Variants in COMMD10 observed in about 807,000 individuals in gnomAD.
The protein encoded by COMMD10 is COMM domain-containing protein 10.
Under a neutral mutation model 28.9 loss-of-function variants are expected in COMMD10, and 33 were observed. The ratio of observed to expected loss-of-function variants is 1.14; its 90% CI spans 0.87 to 1.53. The LOEUF (loss-of-function observed/expected upper bound fraction) is 1.53. Ranked by LOEUF, COMMD10 falls within the 40% of genes most tolerant of loss-of-function variation. The pLI is 0.00. For missense variants in COMMD10, 310 were observed against 233.4 expected (o/e 1.33, Z -2.14); for synonymous variants, 110 against 81.7 (o/e 1.35, Z -1.87).
chr5:116,227,104 C>T (rs1749412878), intron 5 of COMMD10, among the ~76,000 whole-genome samples: 1 of 152,014 alleles, frequency 6.6e-6, no homozygotes, highest in Non-Finnish European at 1.5e-5. Context: ...CTGTATCTAT[C>T]TGTGCTATAG....
At chr5:116,271,199 G>A (rs1057504185) in intron 5 of COMMD10, among the ~76,000 whole-genome samples, 2 of 132,338 alleles carry the variant, frequency 1.5e-5, no homozygotes, top group African/African-American at 6.7e-5. Context: ...GTTTATGTCA[G>A]TTTTTAATAA....
chr5:116,203,841 A>G (rs1014066913), intron 5 of COMMD10, among the ~76,000 whole-genome samples: 5 of 152,246 alleles, frequency 3.3e-5, no homozygotes, highest in African/African-American at 1.2e-4. Context: ...ACTAAGGAGC[A>G]CAATAACCAG....
Position 116,256,561 on chromosome 5 carries a change from G to T in COMMD10, c.511-34956G>T, listed in dbSNP as rs552595933. The stretch of plus-strand genomic sequence containing the variant: ...GGCATTTTTCTCATCTCCGTCTTTG[G>T]CATTTGAAACAGTATACAGGTTGAG... On this transcript the variant is annotated intron_variant, in intron 5 of 6. Coordinates refer to ENST00000274458, the MANE Select transcript of COMMD10 (RefSeq NM_016144.4). Among the ~76,000 whole-genome samples, 136 of 151,676 alleles carry T rather than the reference G, an allele frequency of 9.0e-4. 3 individuals are homozygous for T. The highest frequency in any genetic ancestry group is 3.2e-3 in the African/African-American group (132 of 41,182).
chr5:116,256,145 T>C (rs899469943), intron 5 of COMMD10, among the ~76,000 whole-genome samples: 1 of 151,726 alleles, frequency 6.6e-6, no homozygotes, highest in Non-Finnish European at 1.5e-5. Context: ...ATTAAAATGC[T>C]GTACCTGGCT....
At chr5:116,109,629 T>A (rs1337176884) in intron 4 of COMMD10, among the ~76,000 whole-genome samples, 2 of 152,158 alleles carry the variant, frequency 1.3e-5, no homozygotes, top group African/African-American at 4.8e-5. Context: ...ATGTATTGTA[T>A]TTTTCTTGTA....
At chr5:116,113,907 CT>C (rs972694939) in intron 4 of COMMD10, among the ~76,000 whole-genome samples, 1 of 147,760 alleles carries the variant, frequency 6.8e-6, no homozygotes, top group Non-Finnish European at 1.5e-5. Flanking sequence ...GGAACAATTG[CT>C]TTTTTTTTCA....
chr5:116,171,506 C>T (rs1305443892), intron 5 of COMMD10, among the ~76,000 whole-genome samples: 2 of 151,986 alleles, frequency 1.3e-5, no homozygotes, highest in Non-Finnish European at 2.9e-5. Context: ...ATAAATCATT[C>T]TACTATAAAG....
intron 5 of COMMD10, among the ~76,000 whole-genome samples, chr5:116,140,258 T>C (rs1752157726): frequency 6.6e-6 from 1 of 151,760 alleles, no homozygotes; most frequent in Non-Finnish European, 1.5e-5. Context: ...TGTGTGTGTA[T>C]GTGTCTGTCT....
chr5:116,286,075 A>G (rs1056850410), intron 5 of COMMD10, among the ~76,000 whole-genome samples: 42 of 151,714 alleles, frequency 2.8e-4, no homozygotes, highest in African/African-American at 9.7e-4. Context: ...CTATTTATTC[A>G]TGATTTAGTC....
chr5:116,230,675 A>T (rs1442421556), intron 5 of COMMD10, among the ~76,000 whole-genome samples: 1 of 152,010 alleles, frequency 6.6e-6, no homozygotes, highest in Non-Finnish European at 1.5e-5. Context: ...AAAAGAAAAG[A>T]TTGAAGGAAA....
At chr5:116,155,898 A>G (rs1752688936) in intron 5 of COMMD10, among the ~76,000 whole-genome samples, 1 of 151,854 alleles carries the variant, frequency 6.6e-6, no homozygotes, top group South Asian at 2.1e-4. Flanking sequence ...ATTTATTAAT[A>G]TAAGAGAAAA....
chr5:116,166,164 T>C (rs1199494335), intron 5 of COMMD10, among the ~76,000 whole-genome samples: 12 of 151,868 alleles, frequency 7.9e-5, no homozygotes, highest in Admixed American at 5.9e-4. Context: ...CAAATGGCGA[T>C]AGTTGTTCCT....
chr5:116,241,134 A>T (rs1202159751), intron 5 of COMMD10, among the ~76,000 whole-genome samples: 1 of 152,212 alleles, frequency 6.6e-6, no homozygotes. Flanking sequence ...ATTGAGGTTC[A>T]TCAGAAAAAA....
chr5:116,206,085 A>G (rs1748804751), intron 5 of COMMD10, among the ~76,000 whole-genome samples: 1 of 152,208 alleles, frequency 6.6e-6, no homozygotes, highest in Admixed American at 6.5e-5. Flanking sequence ...TCACTGCTGA[A>G]ATATCTTCAG....
At chr5:116,086,157 A>G (rs1750084964) in intron 1 of COMMD10, among the ~76,000 whole-genome samples, 1 of 152,210 alleles carries the variant, frequency 6.6e-6, no homozygotes, top group African/African-American at 2.4e-5. Context: ...GTAAAGTTAC[A>G]AAGTCATTTT....
intron 4 of COMMD10, among the ~76,000 whole-genome samples, chr5:116,103,639 T>G (rs1750737800): frequency 1.3e-5 from 2 of 152,230 alleles, no homozygotes; most frequent in Non-Finnish European, 2.9e-5. Context: ...TAGTTTCTTT[T>G]GCTGGGCAGA....
intron 5 of COMMD10, among the ~76,000 whole-genome samples, chr5:116,236,066 G>C (rs1749652282): frequency 6.6e-6 from 1 of 152,120 alleles, no homozygotes. Flanking sequence ...TAGTTTGTTA[G>C]AAAAGGATAC....
At chr5:116,233,905 C>G (rs533033628) in intron 5 of COMMD10, among the ~76,000 whole-genome samples, 53 of 152,214 alleles carry the variant, frequency 3.5e-4, no homozygotes, top group African/African-American at 1.3e-3. Flanking sequence ...CATAGAAAAT[C>G]AAACCTCAAA....
intron 5 of COMMD10, among the ~76,000 whole-genome samples, chr5:116,283,728 G>T (rs1429478387): frequency 6.6e-6 from 1 of 151,570 alleles, no homozygotes; most frequent in East Asian, 1.9e-4. Context: ...ACTGCATAAT[G>T]GCAGTATCCA....
Sources: allele counts gnomAD v4.1 joint callset (sites outside exome capture counted in the v4.1 genomes callset), GRCh38; gene constraint gnomAD v4.1.1; transcripts MANE v1.5; gene names NCBI Gene and HGNC (gene_info 2026-07-23, HGNC 2026-07-21).